TCAIM: variants seen among roughly 807,000 people sequenced by gnomAD.
TCAIM encodes the protein T-cell activation inhibitor, mitochondrial.
Under a neutral mutation model 58.6 loss-of-function variants are expected in TCAIM, and 36 were observed. The ratio of observed to expected loss-of-function variants is 0.61; its 90% CI spans 0.47 to 0.81. The LOEUF (loss-of-function observed/expected upper bound fraction) is 0.81, where lower values mean the gene tolerates loss of function less well. TCAIM is among the 30% of genes least tolerant of loss of function. The probability of loss-of-function intolerance (pLI) is 0.00; values close to 1 mark genes in which losing one functional copy is unlikely to be tolerated. For synonymous variants in TCAIM, 172 were observed against 193.6 expected (o/e 0.89, Z 0.93); for missense variants, 466 against 579.6 (o/e 0.80, Z 2.01).
chr3:44,386,221 A>C (rs1215762895), intron 5 of TCAIM, among the ~76,000 whole-genome samples: 1 of 151,708 alleles, frequency 6.6e-6, no homozygotes, highest in Non-Finnish European at 1.5e-5. Flanking sequence ...AAAAAAAAAA[A>C]AAAAAAAAAA....
intron 5 of TCAIM, among the ~76,000 whole-genome samples, chr3:44,374,605 T>C (rs1701535969): frequency 6.6e-6 from 1 of 151,692 alleles, no homozygotes; most frequent in African/African-American, 2.4e-5. Flanking sequence ...AAATAAAAAT[T>C]AAAAAATTAG....
chr3:44,369,311 T>C (rs1701427774), intron 5 of TCAIM, among the ~76,000 whole-genome samples: 1 of 152,134 alleles, frequency 6.6e-6, no homozygotes, highest in African/African-American at 2.4e-5. Context: ...TGGGGATTAC[T>C]GGCCTAAAGA....
intron 5 of TCAIM, among the ~76,000 whole-genome samples, chr3:44,371,002 C>G (rs1701460237): frequency 6.6e-6 from 1 of 150,706 alleles, no homozygotes; most frequent in South Asian, 2.1e-4. Context: ...ACCTCTGCCT[C>G]CCGGATTAAG....
At chr3:44,343,761 C>T (rs1700904825) in intron 1 of TCAIM, among the ~76,000 whole-genome samples, 1 of 152,140 alleles carries the variant, frequency 6.6e-6, no homozygotes, top group Non-Finnish European at 1.5e-5. Flanking sequence ...CTCAACCTGT[C>T]ATTTTTTTAG....
chr3:44,367,072 T>C (rs1701391575), intron 4 of TCAIM, among the ~76,000 whole-genome samples: 1 of 152,156 alleles, frequency 6.6e-6, no homozygotes, highest in African/African-American at 2.4e-5. Flanking sequence ...CTAGAAACTA[T>C]CTTTGGTGGA....
chr3:44,382,436 C>G (rs764923055), intron 5 of TCAIM, among the ~76,000 whole-genome samples: 3 of 152,140 alleles, frequency 2.0e-5, no homozygotes, highest in Non-Finnish European at 2.9e-5. Context: ...ATAGAGAATA[C>G]AGCAGTAAAT....
rs978969260 is a variant in TCAIM at position 44,355,268 on chromosome 3, T to C, written c.29+457T>C. Among the ~76,000 whole-genome samples, 6 of 152,160 alleles carry C rather than the reference T, an allele frequency of 3.9e-5. No homozygotes were observed. The East Asian group carries it at 5.8e-4, about 15-fold the overall frequency. On this transcript the variant is annotated intron_variant, in intron 2 of 10. Transcript: ENST00000342649. The stretch of plus-strand genomic sequence containing the variant: ...AGGTAAAAATGCAGGTCAGGGAGGA[T>C]GCATTAGGGCTTAGAAATTATGTAG...
chr3:44,370,094 C>T (rs1487197277), intron 5 of TCAIM, among the ~76,000 whole-genome samples: 1 of 152,098 alleles, frequency 6.6e-6, no homozygotes, highest in Non-Finnish European at 1.5e-5. Flanking sequence ...TTCTTGATTT[C>T]CTCAAAAGTC....
intron 1 of TCAIM, among the ~76,000 whole-genome samples, chr3:44,339,249 C>T (rs1004636610): frequency 1.3e-5 from 2 of 152,078 alleles, no homozygotes; most frequent in Non-Finnish European, 2.9e-5. Flanking sequence ...CGCTTTTGTC[C>T]CTCCTTGATA....
intron 5 of TCAIM, among the ~76,000 whole-genome samples, chr3:44,372,009 AGAAGGAAGGAAGGAAG>A (rs568035350): frequency 0.064 from 7,419 of 115,514 alleles, 247 homozygotes; most frequent in African/African-American, 0.076. Flanking sequence ...AGAGAAAGAG[AGAAGGAAGGAAGGAAG>A]GAAGGAAGGA....
At chr3:44,352,950 T>A (rs1187527566) in intron 1 of TCAIM, among the ~76,000 whole-genome samples, 1 of 150,290 alleles carries the variant, frequency 6.7e-6, no homozygotes, top group Non-Finnish European at 1.5e-5. Context: ...GAGACAGTTT[T>A]TGCTCGTGTT....
intron 8 of TCAIM, among the ~76,000 whole-genome samples, chr3:44,397,631 C>A (rs1251450510): frequency 6.6e-6 from 1 of 152,158 alleles, no homozygotes; most frequent in Non-Finnish European, 1.5e-5. Context: ...TTTCCTTTCT[C>A]TTGGGTAAAT....
At chr3:44,378,767 C>T (rs1482826556) in intron 5 of TCAIM, among the ~76,000 whole-genome samples, 2 of 150,050 alleles carry the variant, frequency 1.3e-5, no homozygotes, top group African/African-American at 4.9e-5. Context: ...GCCGAGATCA[C>T]TCCACGGCAA....
intron 1 of TCAIM, among the ~76,000 whole-genome samples, chr3:44,348,990 C>A (rs1461716636): frequency 3.3e-5 from 5 of 152,092 alleles, no homozygotes; most frequent in African/African-American, 1.2e-4. Context: ...TAAGCTGGAC[C>A]AGGGGTGAGG....
Position 44,357,822 on chromosome 3 carries a change from G to T in TCAIM, c.111G>T (p.Arg37Ser). ...GAGCTGAAGCAGTCAATGCCTTGAG[G>T]CCTTTCTATTTTGCAGTACATCCAG... ...LSGAEAVNAL[R>S]PFYFAVHPDF... Residue 37 changes from arginine (R) to serine (S), a missense_variant, in exon 3 of 11, where the codon AGG becomes AGT. Physicochemically the swap from Arg to Ser is moderately radical, Grantham distance 110. Transcript: ENST00000342649. 2.5e-6 allele frequency: 4 copies of T among 1,614,140 alleles called. No individual in the cohort carries two copies. Among genetic ancestry groups the T allele is most frequent in the Non-Finnish European group, 2.5e-6 (3 of 1,180,010 alleles).
rs550198174 is a variant in TCAIM, at chr3:44,341,645, G to A, written c.-45+2811G>A. 1.9e-4 allele frequency among the ~76,000 whole-genome samples: 29 copies of A among 152,148 alleles called. No homozygotes were observed. The South Asian group carries it at 6.0e-3, about 32-fold the overall frequency. Reference sequence around the variant, plus strand: ...AATAAAATGTTGTATTGAACTGCATGTTTGAGCAATATGTTATCTGACATT... The same window carrying A: ...AATAAAATGTTGTATTGAACTGCATATTTGAGCAATATGTTATCTGACATT... On this transcript the variant is annotated intron_variant, in intron 1 of 10. Coordinates refer to ENST00000342649, the MANE Select transcript of TCAIM (RefSeq NM_173826.4).
At chr3:44,406,715 A>G (rs1339580717) in intron 10 of TCAIM, among the ~76,000 whole-genome samples, 4 of 152,218 alleles carry the variant, frequency 2.6e-5, no homozygotes, top group African/African-American at 7.2e-5. Context: ...GGACACGACC[A>G]TGGCAGTTTT....
intron 1 of TCAIM, chr3:44,341,313 A>G (rs1700850722): frequency 6.6e-6 from 1 of 152,192 alleles, no homozygotes; most frequent in African/African-American, 2.4e-5. Flanking sequence ...TAACTTTATT[A>G]TATTCACTTT....
At chr3:44,357,679 CAT>C in intron 2 of TCAIM, 60 bp from the exon 3 acceptor site, 2 of 1,591,774 alleles carry the variant, frequency 1.3e-6, no homozygotes, top group Non-Finnish European at 1.7e-6. Context: ...GTCACTTATA[CAT>C]TGAGGATTTG....
Sources: gnomAD v4.1 joint callset for allele counts (sites outside exome capture counted in the v4.1 genomes callset) on GRCh38, gnomAD v4.1.1 for gene constraint, MANE v1.5 for transcripts, NCBI Gene and HGNC (gene_info 2026-07-23, HGNC 2026-07-21) for gene names.